DAPK1: variants seen among roughly 807,000 people sequenced by gnomAD.
DAPK1 encodes the protein death-associated protein kinase 1.
A neutral mutation model predicts 144.9 loss-of-function variants in DAPK1; 56 were observed. The observed-to-expected ratio is 0.39, with a 90% confidence interval of 0.31 to 0.48. The LOEUF (loss-of-function observed/expected upper bound fraction) is 0.48. Ranked by LOEUF, DAPK1 falls within the 20% of genes least tolerant of loss-of-function variation. The pLI is 0.95. For missense variants in DAPK1, 1,454 were observed against 1,875.4 expected, an observed-to-expected ratio of 0.78 and a Z score of 4.15; for synonymous variants, 690 against 749.0, an observed-to-expected ratio of 0.92 and a Z score of 1.29.
chr9:87,665,022 T>C (rs1294057461), intron 18 of DAPK1, among the ~76,000 whole-genome samples: 3 of 152,242 alleles, frequency 2.0e-5, no homozygotes, highest in Non-Finnish European at 4.4e-5. Context: ...ATTTGGTCTC[T>C]CACCTTCTGC....
At chr9:87,565,449 G>A (rs1827086360) in intron 2 of DAPK1, among the ~76,000 whole-genome samples, 1 of 152,112 alleles carries the variant, frequency 6.6e-6, no homozygotes, top group East Asian at 1.9e-4. Context: ...TTATGGTTGG[G>A]GAAAGTAAAG....
At chr9:87,543,377 A>T (rs1027712648) in intron 2 of DAPK1, among the ~76,000 whole-genome samples, 2 of 152,260 alleles carry the variant, frequency 1.3e-5, no homozygotes, top group Non-Finnish European at 2.9e-5. Flanking sequence ...TTTCATAGAC[A>T]TAATTTCCAT....
chr9:87,698,890 C>G lies in DAPK1; in HGVS notation c.2750+96C>G, dbSNP rs771409037. On this transcript the variant is annotated intron_variant, in intron 23 of 25. Coordinates refer to ENST00000408954, the MANE Select transcript of DAPK1 (RefSeq NM_004938.4). ...AAAAGTACAAAGGAAGTCTCATGAA[C>G]CAGAGAAAGGTTTTAAAGGTCTTTC... is the stretch of plus-strand genomic sequence containing the variant. The G allele has an allele frequency of 4.2e-4, 304 of 731,516 alleles. 1 individual carries two copies. Among genetic ancestry groups the G allele is most frequent in the Middle Eastern group, 7.3e-4 (3 of 4,098 alleles). 45.3% of individuals were successfully genotyped at this position (731,516 alleles called of 1,614,324 possible). A position where few individuals can be genotyped will look rare whatever the true frequency, so the allele number is the denominator to read the frequency against.
intron 2 of DAPK1, among the ~76,000 whole-genome samples, chr9:87,588,801 A>C (rs68191238): frequency 0.15 from 22,899 of 152,176 alleles, 3,861 homozygotes; most frequent in African/African-American, 0.42. Context: ...TACTTTACTC[A>C]ATGCTATGTA....
intron 20 of DAPK1, 156 bp downstream of exon 20, chr9:87,681,782 G>T: frequency 1.5e-6 from 1 of 654,064 alleles, no homozygotes; most frequent in South Asian, 1.7e-5. Flanking sequence ...TTGGCTGGTA[G>T]CCTTGTGTGT....
intron 2 of DAPK1, among the ~76,000 whole-genome samples, chr9:87,597,509 C>T (rs577447847): frequency 2.0e-5 from 3 of 152,236 alleles, no homozygotes; most frequent in Admixed American, 1.3e-4. Context: ...GAAATCCTGT[C>T]TTCTTGGCTT....
At chr9:87,659,279 C>G (rs183981627) in intron 18 of DAPK1, among the ~76,000 whole-genome samples, 3 of 152,094 alleles carry the variant, frequency 2.0e-5, no homozygotes, top group African/African-American at 7.2e-5. Flanking sequence ...ACCAGTACTC[C>G]GCATGGGGTG....
At chr9:87,685,670 G>A (rs533155587) in intron 20 of DAPK1, among the ~76,000 whole-genome samples, 24 of 152,180 alleles carry the variant, frequency 1.6e-4, no homozygotes, top group Non-Finnish European at 3.4e-4. Context: ...CTAAACGCAG[G>A]GGACCCAGAC....
chr9:87,593,271 C>T (rs957464955), intron 2 of DAPK1, among the ~76,000 whole-genome samples: 2 of 152,200 alleles, frequency 1.3e-5, no homozygotes, highest in Non-Finnish European at 2.9e-5. Context: ...GCAAACTCTT[C>T]GTCAGTTCAG....
intron 2 of DAPK1, among the ~76,000 whole-genome samples, chr9:87,501,499 C>T (rs900146446): frequency 5.3e-5 from 8 of 152,056 alleles, no homozygotes; most frequent in South Asian, 4.2e-4. Context: ...GAATGGAGAT[C>T]GCGCCACTGC....
chr9:87,523,310 G>GT (rs1825372066), intron 2 of DAPK1, among the ~76,000 whole-genome samples: 1 of 152,096 alleles, frequency 6.6e-6, no homozygotes, highest in Non-Finnish European at 1.5e-5. Context: ...GAGTTTATTT[G>GT]TTTTGAGACA....
chr9:87,560,667 CTTTTT>C (rs35938750), intron 2 of DAPK1, among the ~76,000 whole-genome samples: 1 of 133,316 alleles, frequency 7.5e-6, no homozygotes. Flanking sequence ...TCAGAACGTA[CTTTTT>C]TTTTTTTTTT....
intron 2 of DAPK1, among the ~76,000 whole-genome samples, chr9:87,566,539 T>A (rs1827133411): frequency 6.6e-6 from 1 of 152,240 alleles, no homozygotes; most frequent in Admixed American, 6.5e-5. Flanking sequence ...TAAATAGTTA[T>A]TGGTAAGGAA....
intron 3 of DAPK1, among the ~76,000 whole-genome samples, chr9:87,616,142 C>G (rs1272480950): frequency 1.3e-5 from 2 of 152,244 alleles, no homozygotes; most frequent in Non-Finnish European, 2.9e-5. Context: ...CTGCATTGTT[C>G]TTGCCCCTCA....
chr9:87,641,892 A>G (rs750006626), intron 9 of DAPK1, 77 bp from the exon 10 acceptor site: 8 of 1,136,082 alleles, frequency 7.0e-6, no homozygotes, highest in Non-Finnish European at 1.0e-5. Flanking sequence ...GAATAAGGAG[A>G]TGTTTCAAAA....
intron 8 of DAPK1, 100 bp from the exon 9 acceptor site, chr9:87,640,702 T>C (rs1830065622): frequency 7.6e-7 from 1 of 1,315,578 alleles, no homozygotes; most frequent in African/African-American, 1.5e-5. Flanking sequence ...GAACTGCATT[T>C]TCCACAGTAT....
At chr9:87,696,687 C>T (rs1825269735) in intron 21 of DAPK1, among the ~76,000 whole-genome samples, 2 of 152,110 alleles carry the variant, frequency 1.3e-5, no homozygotes. Context: ...AGAACTAATC[C>T]ACTCTCACAA....
intron 2 of DAPK1, chr9:87,506,878 C>CT (rs1235693037): frequency 1.3e-5 from 2 of 152,182 alleles, no homozygotes. Context: ...TCCACATCAT[C>CT]TAACTAAAAT....
At chr9:87,619,869 A>G (rs192242194) in intron 3 of DAPK1, among the ~76,000 whole-genome samples, 3 of 152,174 alleles carry the variant, frequency 2.0e-5, no homozygotes, top group Non-Finnish European at 4.4e-5. Flanking sequence ...ACAGCTGCCA[A>G]TGCATATTTC....
Sources: gnomAD v4.1 joint callset for allele counts (sites outside exome capture counted in the v4.1 genomes callset) on GRCh38, gnomAD v4.1.1 for gene constraint, MANE v1.5 for transcripts, NCBI Gene and HGNC (gene_info 2026-07-23, HGNC 2026-07-21) for gene names.